The following PSME4 variants were observed in gnomAD, a reference collection of about 807,000 sequenced individuals.
PSME4 encodes the protein proteasome activator complex subunit 4.
Under a neutral mutation model 253.9 loss-of-function variants are expected in PSME4, and 89 were observed. The observed-to-expected ratio is 0.35, with a 90% CI of 0.30 to 0.42. The LOEUF is 0.42. Ranked by LOEUF, PSME4 falls within the 10% of genes least tolerant of loss-of-function variation. The pLI, the probability that PSME4 is intolerant of heterozygous loss-of-function variation, is 1.00. For missense variants in PSME4, 2,014 were observed against 2,195.2 expected (o/e 0.92, Z 1.65); for synonymous variants, 851 against 759.2 (o/e 1.12, Z -1.99).
intron 33 of PSME4, 66 bp from the exon 34 acceptor site, chr2:53,895,142 A>G: frequency 7.1e-7 from 1 of 1,414,298 alleles, no homozygotes; most frequent in Non-Finnish European, 9.7e-7. Context: ...ATGGATAGAA[A>G]GCATTAGAAG....
chr2:53,876,998 C>T (rs1456643399), intron 41 of PSME4, among the ~76,000 whole-genome samples: 3 of 151,906 alleles, frequency 2.0e-5, no homozygotes, highest in African/African-American at 7.2e-5. Flanking sequence ...GCTGAGATTA[C>T]AGGCATGGGC....
Position 53,937,592 on chromosome 2 carries a change from C to G in PSME4, c.546-52G>C, listed in dbSNP as rs781417443. 2.6e-6 allele frequency: 4 copies of G among 1,543,380 alleles called. No individual in the cohort carries two copies. The Admixed American group carries it at 7.3e-5, about 28-fold the overall frequency. Reference sequence around the variant, plus strand: ...ATCTGATTATTGGCTAAAAGCTCTACAACAGCAATATATATAACTGACCAA... The same window carrying G: ...ATCTGATTATTGGCTAAAAGCTCTAGAACAGCAATATATATAACTGACCAA... On this transcript the variant is annotated intron_variant, in intron 4 of 46. Transcript: ENST00000404125.
At chr2:53,941,308 G>C (rs1410183350) in intron 3 of PSME4, among the ~76,000 whole-genome samples, 6 of 147,630 alleles carry the variant, frequency 4.1e-5, no homozygotes, top group African/African-American at 7.5e-5. Context: ...AAATAAAAAA[G>C]AAACTACATG....
In PSME4 at chr2:53,887,387, G is replaced by T. The variant is rs761338322; in HGVS notation, c.4601C>A (p.Thr1534Asn). The change falls in exon 40 of 47, where the codon ACT becomes AAT. Residue 1534 changes from threonine to asparagine, a missense_variant. Coordinates refer to ENST00000404125, the MANE Select transcript of PSME4 (RefSeq NM_014614.3). ...TTTCAATTTCTCCAGAATTCGAGCA[G>T]TAAACTCAGGGACATGAGGCGATAT... ...PTISPHVPEF[T>N]ARILEKLKPL... is the part of the protein sequence containing the mutation. 25 of 1,613,764 alleles carry T rather than the reference G, an allele frequency of 1.5e-5. No homozygotes were observed. Among genetic ancestry groups the T allele is most frequent in the Non-Finnish European group, 2.0e-5 (24 of 1,179,812 alleles).
chr2:53,885,137 C>T (rs1306338409), intron 41 of PSME4, among the ~76,000 whole-genome samples: 1 of 152,144 alleles, frequency 6.6e-6, no homozygotes, highest in African/African-American at 2.4e-5. Flanking sequence ...AATGAGTCAA[C>T]CTGTGACCTT....
intron 27 of PSME4, among the ~76,000 whole-genome samples, chr2:53,903,453 A>G (rs754786309): frequency 2.6e-5 from 4 of 152,158 alleles, no homozygotes; most frequent in Non-Finnish European, 2.9e-5. Context: ...ATAAGCAATC[A>G]TTATATATTA....
In PSME4 at chr2:53,865,191, T is replaced by TTGAGA. The variant is rs1028224870; in HGVS notation, c.*382_*386dup. ...CCATTTGGGAAGAATTCAAAATAATTTGAGATGAATGAAATGACAGGACCT... is the reference window on the plus strand; with the variant it reads ...CCATTTGGGAAGAATTCAAAATAATTTGAGATGAGATGAATGAAATGACAGGACCT... On this transcript the variant is annotated 3_prime_UTR_variant, in exon 47 of 47. Coordinates refer to ENST00000404125, the MANE Select transcript of PSME4 (RefSeq NM_014614.3). The TTGAGA allele has an allele frequency of 2.6e-5, 4 of 152,560 alleles. No individual in the cohort carries two copies. Among genetic ancestry groups the TTGAGA allele is most frequent in the African/African-American group, 9.7e-5 (4 of 41,422 alleles). 9.5% of individuals were successfully genotyped at this position (152,560 alleles called of 1,614,324 possible).
intron 3 of PSME4, among the ~76,000 whole-genome samples, chr2:53,945,211 G>A (rs1465232785): frequency 1.3e-5 from 2 of 152,130 alleles, no homozygotes; most frequent in Non-Finnish European, 2.9e-5. Flanking sequence ...TTAGTATGTT[G>A]CCTATACTAT....
At chr2:53,963,247 G>C (rs1670568643) in intron 1 of PSME4, among the ~76,000 whole-genome samples, 1 of 151,922 alleles carries the variant, frequency 6.6e-6, no homozygotes, top group African/African-American at 2.4e-5. Context: ...GATCGCTCGA[G>C]GCCAGGAGCT....
At chr2:53,928,089 C>A in intron 11 of PSME4, 28 bp downstream of exon 11, 2 of 1,549,514 alleles carry the variant, frequency 1.3e-6, no homozygotes, top group Non-Finnish European at 1.8e-6. Flanking sequence ...TACCTAAATA[C>A]GGAGTGTATA....
At position 53,879,801 on chromosome 2, in the gene PSME4, CAAAA is replaced by C. The variant is rs55730803; in HGVS notation, c.4816-4050_4816-4047del. On this transcript the variant is annotated intron_variant, in intron 41 of 46. Transcript: ENST00000404125. ...TGGGTGACAGAGCAAGACCCTGTCT[CAAAA>C]AAAAAAAAAAAAAAAGGAAAAGGAA... Among the ~76,000 whole-genome samples, 16 of 89,932 alleles carry C rather than the reference CAAAA, an allele frequency of 1.8e-4. 1 individual carries two copies. The highest frequency in any genetic ancestry group is 4.0e-4 in the African/African-American group (9 of 22,324). 59.0% of individuals were successfully genotyped at this position (89,932 alleles called of 152,430 possible).
Position 53,888,765 on chromosome 2 carries a change from C to T in PSME4, c.4344G>A (p.Leu1448=). 6.2e-7 allele frequency: 1 copy of T among 1,613,032 alleles called. No individual in the cohort carries two copies. The highest frequency in any genetic ancestry group is 8.5e-7 in the Non-Finnish European group (1 of 1,179,230). ...RKLHWLFELL[L]ESPLSGEGGS... ...CTCCTTCACCACTCAATGGTGATTC[C>T]AACAGCAGTTCAAAAAGCCAGTGAA... The change falls in exon 38 of 47, where the codon TTG becomes TTA. Residue 1448 remains leucine, a synonymous_variant. Transcript: ENST00000404125.
chr2:53,895,379 G>C (rs1680094314), intron 33 of PSME4, among the ~76,000 whole-genome samples: 1 of 152,094 alleles, frequency 6.6e-6, no homozygotes, highest in East Asian at 1.9e-4. Flanking sequence ...TATAACCATG[G>C]GATTCAGAAA....
At chr2:53,902,943 C>CA (rs1680480372) in intron 27 of PSME4, among the ~76,000 whole-genome samples, 2 of 152,058 alleles carry the variant, frequency 1.3e-5, no homozygotes, top group South Asian at 4.1e-4. Context: ...TCATTATCTC[C>CA]AAAAAACAAT....
chr2:53,946,738 G>A (rs1669728517), intron 3 of PSME4, among the ~76,000 whole-genome samples: 1 of 152,036 alleles, frequency 6.6e-6, no homozygotes, highest in South Asian at 2.1e-4. Flanking sequence ...TAGAGACCCT[G>A]TCTCTACAAA....
chr2:53,941,703 C>G (rs1208012163), intron 3 of PSME4, among the ~76,000 whole-genome samples: 1 of 151,962 alleles, frequency 6.6e-6, no homozygotes. Context: ...CTAAATTACT[C>G]AATTTAAATG....
intron 16 of PSME4, 56 bp downstream of exon 16, chr2:53,922,993 C>T: frequency 7.6e-7 from 1 of 1,311,380 alleles, no homozygotes; most frequent in Non-Finnish European, 1.0e-6. Context: ...GTTTTAGAAA[C>T]CAAGAAAAAA....
rs571735772 is a variant in PSME4 at position 53,948,631 on chromosome 2, G to A, written c.384-94C>T. ...TACACAGGGACAGTTAAACATTGCT[G>A]CTCATCACCATGGGTTTTGCTTTCC... On this transcript the variant is annotated intron_variant, in intron 2 of 46. Coordinates refer to ENST00000404125, the MANE Select transcript of PSME4 (RefSeq NM_014614.3). The A allele has an allele frequency of 3.9e-5, 31 of 804,926 alleles. No homozygotes were observed. The African/African-American group carries it at 4.6e-4, about 12-fold the overall frequency. 49.9% of individuals were successfully genotyped at this position (804,926 alleles called of 1,614,324 possible). A position where few individuals can be genotyped will look rare whatever the true frequency, so the allele number is the denominator to read the frequency against.
chr2:53,923,913 C>CAAAAAAAAA (rs199929436), intron 14 of PSME4, among the ~76,000 whole-genome samples: 25 of 96,874 alleles, frequency 2.6e-4, no homozygotes, highest in Non-Finnish European at 3.9e-4. Context: ...ACAGAGTTAA[C>CAAAAAAAAA]AAAAAAAAAA....
Sources: gnomAD v4.1 joint callset for allele counts (sites outside exome capture counted in the v4.1 genomes callset) on GRCh38, gnomAD v4.1.1 for gene constraint, MANE v1.5 for transcripts, NCBI Gene and HGNC (gene_info 2026-07-23, HGNC 2026-07-21) for gene names.